Variants in ADGRL3 observed in about 807,000 individuals in gnomAD.
ADGRL3 encodes adhesion G protein-coupled receptor L3, also known as calcium-independent alpha-latrotoxin receptor 3.
ADGRL3 carries 62 observed loss-of-function variants against 153.5 expected under a neutral mutation model. The observed-to-expected ratio is 0.40, with a 90% CI of 0.33 to 0.50. The LOEUF is 0.50. Ranked by LOEUF, ADGRL3 falls within the 20% of genes least tolerant of loss-of-function variation. ADGRL3 has a pLI of 0.47. For missense variants in ADGRL3, 1,641 were observed against 1,859.4 expected, an observed-to-expected ratio of 0.88 and a Z score of 2.16; for synonymous variants, 710 against 672.5, an observed-to-expected ratio of 1.06 and a Z score of -0.86.
At chr4:61,966,659 A>C (rs1489532357) in intron 17 of ADGRL3, among the ~76,000 whole-genome samples, 1 of 152,116 alleles carries the variant, frequency 6.6e-6, no homozygotes, top group Non-Finnish European at 1.5e-5. Context: ...AAGAAAATTT[A>C]GAGCTAGAAA....
intron 5 of ADGRL3, among the ~76,000 whole-genome samples, chr4:61,637,105 T>G (rs1056508559): frequency 1.3e-5 from 2 of 152,214 alleles, no homozygotes; most frequent in African/African-American, 4.8e-5. Flanking sequence ...CAGGTTGAAC[T>G]GTGCATATGT....
At chr4:61,340,984 T>A (rs1310853295) in intron 1 of ADGRL3, among the ~76,000 whole-genome samples, 1 of 152,014 alleles carries the variant, frequency 6.6e-6, no homozygotes, top group African/African-American at 2.4e-5. Flanking sequence ...TTATTATAGT[T>A]TTCCAACAAA....
At chr4:61,286,950 A>AT (rs1253144584) in intron 1 of ADGRL3, among the ~76,000 whole-genome samples, 1 of 151,704 alleles carries the variant, frequency 6.6e-6, no homozygotes, top group Non-Finnish European at 1.5e-5. Context: ...GGATATCTAT[A>AT]TTTTTTAGTA....
chr4:61,533,217 T>C (rs1026095382), intron 4 of ADGRL3, among the ~76,000 whole-genome samples: 8 of 152,178 alleles, frequency 5.3e-5, no homozygotes, highest in Admixed American at 5.2e-4. Context: ...ATGAAGTTTT[T>C]CAACATGCAC....
chr4:61,948,199 A>G lies in ADGRL3; in HGVS notation c.2728A>G (p.Thr910Ala). ...AACACAAGGCTGTCGGCTCCTGACA[A>G]CAAATAAGACACATACTACATGCTC... Reference protein sequence around the residue: ...WSTQGCRLLTTNKTHTTCSCN... With the variant: ...WSTQGCRLLTANKTHTTCSCN... Residue 910 changes from threonine (T) to alanine (A), a missense_variant, in exon 17 of 27, where the codon ACA becomes GCA. Physicochemically the swap from Thr to Ala is moderately conservative, Grantham distance 58. This residue lies in a region of ADGRL3 where 734 missense variants were observed against 797.0 expected (regional missense o/e 0.92). Transcript: ENST00000683033. The G allele has an allele frequency of 1.9e-6, 3 of 1,613,872 alleles. No homozygotes were observed. The highest frequency in any genetic ancestry group is 2.5e-6 in the Non-Finnish European group (3 of 1,179,846).
chr4:61,418,083 C>G lies in ADGRL3; in HGVS notation c.-174+34894C>G, dbSNP rs11940843. ...TCATTTTTGTGCTTATAAATGGTGG[C>G]TAGAGTGCCTGCCAGTTTCGGTGCT... On this transcript the variant is annotated intron_variant, in intron 2 of 26. Transcript: ENST00000683033. Among the ~76,000 whole-genome samples the G allele has an allele frequency of 1.9e-3, 283 of 152,214 alleles. 1 individual carries two copies. Among genetic ancestry groups the G allele is most frequent in the African/African-American group, 6.6e-3 (273 of 41,534 alleles).
rs115670134 is a variant in ADGRL3, at chr4:61,218,628, A to C, written c.-240+16863A>C. 5.2e-3 allele frequency among the ~76,000 whole-genome samples: 793 copies of C among 152,266 alleles called. 5 individuals carry two copies. Among genetic ancestry groups the C allele is most frequent in the African/African-American group, 0.018 (748 of 41,550 alleles). ...ATAAGCCACTAGTGTGCCCAGCTTGAGTGCTTCTCATGCGACACAGTTAAA... is the reference window on the plus strand; with the variant it reads ...ATAAGCCACTAGTGTGCCCAGCTTGCGTGCTTCTCATGCGACACAGTTAAA... On this transcript the variant is annotated intron_variant, in intron 1 of 26. Coordinates refer to ENST00000683033, the MANE Select transcript of ADGRL3 (RefSeq NM_001387552.1).
At chr4:61,381,186 T>G (rs371655382) in intron 1 of ADGRL3, among the ~76,000 whole-genome samples, 1 of 151,950 alleles carries the variant, frequency 6.6e-6, no homozygotes, top group East Asian at 1.9e-4. Flanking sequence ...AAAAAGAATC[T>G]ATAAAGGTAG....
intron 3 of ADGRL3, among the ~76,000 whole-genome samples, chr4:61,499,796 G>T (rs148882850): frequency 1.3e-5 from 2 of 152,200 alleles, no homozygotes; most frequent in African/African-American, 4.8e-5. Context: ...AATTACCTTT[G>T]TTAGAGAAAA....
chr4:61,595,176 G>A (rs1191099044), intron 5 of ADGRL3, among the ~76,000 whole-genome samples: 1 of 152,148 alleles, frequency 6.6e-6, no homozygotes, highest in Non-Finnish European at 1.5e-5. Flanking sequence ...TGGCTGAGCT[G>A]ATAGCTGGGG....
chr4:61,803,780 A>G (rs1368070974), intron 8 of ADGRL3, among the ~76,000 whole-genome samples: 1 of 148,784 alleles, frequency 6.7e-6, no homozygotes, highest in Non-Finnish European at 1.5e-5. Flanking sequence ...TCTTAAAATC[A>G]ATCAAACTCT....
intron 4 of ADGRL3, among the ~76,000 whole-genome samples, chr4:61,527,626 G>A (rs781502715): frequency 2.6e-5 from 4 of 152,122 alleles, no homozygotes; most frequent in Non-Finnish European, 4.4e-5. Context: ...TTGTAGTTCA[G>A]AGAATCCTCC....
chr4:61,472,344 C>T (rs1279078295), intron 2 of ADGRL3, among the ~76,000 whole-genome samples: 1 of 152,014 alleles, frequency 6.6e-6, no homozygotes, highest in African/African-American at 2.4e-5. Flanking sequence ...TAACTAGTGC[C>T]TCTGACTCAG....
At chr4:61,650,007 G>A (rs905931570) in intron 5 of ADGRL3, among the ~76,000 whole-genome samples, 9 of 152,112 alleles carry the variant, frequency 5.9e-5, no homozygotes, top group African/African-American at 2.2e-4. Flanking sequence ...ATGGGCAAGT[G>A]GAGTTAAAGC....
intron 24 of ADGRL3, 89 bp from the exon 25 acceptor site, chr4:62,044,364 T>A (rs1281199590): frequency 1.1e-6 from 1 of 876,248 alleles, no homozygotes; most frequent in Non-Finnish European, 1.8e-6. Context: ...AAAGGTCTCA[T>A]ATAATTATGA....
chr4:61,520,682 G>GTC (rs1553953060), intron 4 of ADGRL3, among the ~76,000 whole-genome samples: 32 of 123,580 alleles, frequency 2.6e-4, no homozygotes, highest in South Asian at 1.3e-3. Context: ...GTGTGTGTGT[G>GTC]TGTCTGTCTG....
chr4:61,448,814 A>G (rs867502129), intron 2 of ADGRL3, among the ~76,000 whole-genome samples: 3 of 68,126 alleles, frequency 4.4e-5, no homozygotes, highest in Admixed American at 1.9e-4. Flanking sequence ...AAGGGAGGGA[A>G]GGAAGGAAGG....
At chr4:61,586,327 A>T (rs778972021) in intron 4 of ADGRL3, among the ~76,000 whole-genome samples, 2 of 152,030 alleles carry the variant, frequency 1.3e-5, no homozygotes, top group Non-Finnish European at 2.9e-5. Flanking sequence ...GTATTATGAC[A>T]CAAAAACACC....
intron 6 of ADGRL3, among the ~76,000 whole-genome samples, chr4:61,727,306 T>G (rs2096365677): frequency 6.6e-6 from 1 of 152,126 alleles, no homozygotes; most frequent in African/African-American, 2.4e-5. Flanking sequence ...GACATTAAGT[T>G]TGAGAAAGGA....
Sources: gnomAD v4.1 joint callset for allele counts (sites outside exome capture counted in the v4.1 genomes callset) on GRCh38, gnomAD v4.1.1 for gene constraint, gnomAD v4.1.1 regional missense constraint, MANE v1.5 for transcripts, NCBI Gene and HGNC (gene_info 2026-07-23, HGNC 2026-07-21) for gene names.